The following APLP2 variants were observed in gnomAD, a reference collection of about 807,000 sequenced individuals.
APLP2 encodes the protein CDEI box-binding protein.
In APLP2, 53 loss-of-function variants were observed where a neutral mutation model predicts 89.9. That is an observed-to-expected ratio of 0.59 (90% CI 0.47 to 0.74). The LOEUF (loss-of-function observed/expected upper bound fraction) is 0.74, where lower values mean the gene tolerates loss of function less well. Among genes scored for constraint, APLP2 ranks in the 30% least tolerant of loss-of-function variants. The pLI is 0.00. For synonymous variants in APLP2, 372 were observed against 348.6 expected (o/e 1.07, Z -0.75); for missense variants, 973 against 975.9 (o/e 1.00, Z 0.04).
At chr11:130,136,168 C>T (rs1192265200) in intron 13 of APLP2, among the ~76,000 whole-genome samples, 2 of 152,120 alleles carry the variant, frequency 1.3e-5, no homozygotes, top group African/African-American at 2.4e-5. Flanking sequence ...CCTAGGCAGA[C>T]GTTCTTTCCT....
chr11:130,088,261 CA>C (rs1944408497), intron 1 of APLP2, among the ~76,000 whole-genome samples: 1 of 152,026 alleles, frequency 6.6e-6, no homozygotes, highest in Admixed American at 6.5e-5. Flanking sequence ...TTGATTGTTC[CA>C]GGGGGGAAAA....
chr11:130,111,395 C>G (rs1948538544), intron 3 of APLP2, among the ~76,000 whole-genome samples: 1 of 152,020 alleles, frequency 6.6e-6, no homozygotes, highest in Admixed American at 6.5e-5. Flanking sequence ...AAAAAAAAAT[C>G]AATTTTAGAT....
At position 130,141,580 on chromosome 11, in the gene APLP2, T is replaced by C. The variant is rs768219860; in HGVS notation, c.1998+8T>C. The C allele has an allele frequency of 3.7e-6, 6 of 1,612,706 alleles. No individual in the cohort carries two copies. In the East Asian group the frequency reaches 8.9e-5, roughly 24 times the overall value. ...GGCCTCGAGGAAGAGCGGGTACGTG[T>C]TTAGCTCCAGAACCTAAGGTTTCCT... On this transcript the variant is annotated splice_region_variant and intron_variant, in intron 15 of 16. Transcript: ENST00000338167. The surrounding 1 kb of genome is among the most constrained non-coding windows in gnomAD (Gnocchi z 4.2).
At chr11:130,083,021 C>CTTTTTTTTTTTTT (rs1469566240) in intron 1 of APLP2, among the ~76,000 whole-genome samples, 16 of 79,974 alleles carry the variant, frequency 2.0e-4, no homozygotes, top group African/African-American at 6.1e-4. Context: ...TGAAACTTTT[C>CTTTTTTTTTTTTT]TTTTCTTTTT....
rs544061156 is a variant in APLP2, at chr11:130,116,007, A to C, written c.404-4699A>C. 2.0e-5 allele frequency among the ~76,000 whole-genome samples: 3 copies of C among 152,332 alleles called. No individual in the cohort carries two copies. The East Asian group carries it at 5.8e-4, about 29-fold the overall frequency. On this transcript the variant is annotated intron_variant, in intron 3 of 16. Transcript: ENST00000338167. The stretch of plus-strand genomic sequence containing the variant: ...TGAACATTTTTTTCTTTGGATACAC[A>C]TGGAAATGTATATACTTTTAAATGT...
intron 1 of APLP2, among the ~76,000 whole-genome samples, chr11:130,101,712 C>T (rs1231358426): frequency 6.6e-6 from 1 of 152,146 alleles, no homozygotes; most frequent in Non-Finnish European, 1.5e-5. Flanking sequence ...TACAAGAGTT[C>T]CCCTATACTG....
intron 1 of APLP2, among the ~76,000 whole-genome samples, chr11:130,080,361 T>C (rs1942934812): frequency 6.6e-6 from 1 of 151,986 alleles, no homozygotes. Context: ...CCAGCCACCA[T>C]GCCTGGCTAA....
intron 1 of APLP2, among the ~76,000 whole-genome samples, chr11:130,080,573 C>A (rs1026168027): frequency 6.6e-6 from 1 of 151,846 alleles, no homozygotes; most frequent in Non-Finnish European, 1.5e-5. Context: ...GTGTTCCAGA[C>A]AAAAATTTTC....
At position 130,122,507 on chromosome 11, in the gene APLP2, G is replaced by A; in HGVS notation, c.916G>A (p.Val306Ile). The A allele has an allele frequency of 6.2e-7, 1 of 1,614,002 alleles. No individual in the cohort carries two copies. The highest frequency in any genetic ancestry group is 1.1e-5 in the South Asian group (1 of 91,072). The change falls in exon 6 of 17, where the codon GTC becomes ATC. Residue 306 changes from valine to isoleucine, a missense_variant. Physicochemically the swap from Val to Ile is conservative, Grantham distance 29. Coordinates refer to ENST00000338167, the MANE Select transcript of APLP2 (RefSeq NM_001142276.2). The stretch of plus-strand genomic sequence containing the variant: ...GTCAGACAAGGAAATTACTCATGAT[G>A]TCAAAGGTAACCCCATGTAGAGCCA... ...TMSDKEITHDVKAVCSQEAMT... is the reference protein window; with the variant it reads ...TMSDKEITHDIKAVCSQEAMT...
In APLP2 at chr11:130,123,673, C is replaced by T. The variant is rs777927148; in HGVS notation, c.984C>T (p.Phe328=). The change falls in exon 7 of 17, where the codon TTC becomes TTT. Residue 328 remains phenylalanine (F), a synonymous_variant. Coordinates refer to ENST00000338167, the MANE Select transcript of APLP2 (RefSeq NM_001142276.2). This position sits in a 1 kb window ranked among gnomAD's most constrained non-coding sequence, Gnocchi z 4.0. ...GGGCCGTGATGCCTCGTTGGTACTT[C>T]GACCTCTCCAAGGGAAAGTGCGTGC... ...PCRAVMPRWY[F]DLSKGKCVRF... 2.0e-5 allele frequency: 33 copies of T among 1,614,142 alleles called. No individual in the cohort carries two copies. The highest frequency in any genetic ancestry group is 1.6e-4 in the Middle Eastern group (1 of 6,084).
intron 1 of APLP2, among the ~76,000 whole-genome samples, chr11:130,091,490 A>T: frequency 1.3e-5 from 1 of 75,276 alleles, no homozygotes; most frequent in Admixed American, 1.4e-4. Flanking sequence ...GGCCGGGCGG[A>T]GGGCTGACCC....
intron 10 of APLP2, among the ~76,000 whole-genome samples, 194 bp downstream of exon 10, chr11:130,129,400 G>T (rs1027790553): frequency 2.0e-5 from 3 of 152,214 alleles, no homozygotes; most frequent in Non-Finnish European, 4.4e-5. Flanking sequence ...ATCGCTTTAT[G>T]CCTGCGTATA....
chr11:130,100,603 G>A (rs555294885), intron 1 of APLP2, among the ~76,000 whole-genome samples: 31 of 152,148 alleles, frequency 2.0e-4, no homozygotes, highest in Non-Finnish European at 3.7e-4. Context: ...AAATTACCAT[G>A]TTTCCATAAA....
intron 11 of APLP2, among the ~76,000 whole-genome samples, chr11:130,132,544 G>A (rs752665772): frequency 6.6e-6 from 1 of 151,554 alleles, no homozygotes; most frequent in Non-Finnish European, 1.5e-5. Context: ...GTGGATGCTA[G>A]CCCGTCACCT....
chr11:130,093,985 TCCGCCTG>T (rs2135581763), intron 1 of APLP2, among the ~76,000 whole-genome samples: 1 of 151,816 alleles, frequency 6.6e-6, no homozygotes, highest in East Asian at 1.9e-4. Flanking sequence ...GACCTCGTGA[TCCGCCTG>T]CCTTGGCCTC....
chr11:130,080,188 TG>T (rs1761956562), intron 1 of APLP2, among the ~76,000 whole-genome samples: 3 of 152,158 alleles, frequency 2.0e-5, no homozygotes. Context: ...TCCTAAGTTT[TG>T]GGGGAAGAGA....
intron 1 of APLP2, chr11:130,100,444 G>A (rs1038707006): frequency 2.7e-5 from 4 of 150,506 alleles, no homozygotes; most frequent in African/African-American, 9.9e-5. Flanking sequence ...ACACTGTTCT[G>A]CGTGGTTTTT....
intron 14 of APLP2, chr11:130,140,729 C>T (rs1053741272): frequency 5.1e-5 from 15 of 294,848 alleles, no homozygotes; most frequent in Non-Finnish European, 6.9e-5. Flanking sequence ...ATATTTACAA[C>T]TAAAGATATG....
chr11:130,130,652 T>C (rs1342124884), intron 11 of APLP2, among the ~76,000 whole-genome samples: 1 of 152,248 alleles, frequency 6.6e-6, no homozygotes, highest in Non-Finnish European at 1.5e-5. Flanking sequence ...TACTTTTTTG[T>C]ATTCATAAAA....
Sources: gnomAD v4.1 joint callset for allele counts (sites outside exome capture counted in the v4.1 genomes callset) on GRCh38, gnomAD v4.1.1 for gene constraint, Gnocchi (gnomAD v3.1) non-coding constraint, MANE v1.5 for transcripts, NCBI Gene and HGNC (gene_info 2026-07-23, HGNC 2026-07-21) for gene names.